The following FCGR2B variants were observed in gnomAD, a reference collection of about 807,000 sequenced individuals.
FCGR2B encodes Fc gamma receptor IIb, also known as low affinity immunoglobulin gamma Fc region receptor II-b.
Under a neutral mutation model 24.8 loss-of-function variants are expected in FCGR2B, and 18 were observed. That is an observed-to-expected ratio of 0.73 (90% CI 0.50 to 1.08). The LOEUF (loss-of-function observed/expected upper bound fraction) is 1.08, where lower values mean the gene tolerates loss of function less well. Among genes scored for constraint, FCGR2B ranks in the 50% least tolerant of loss-of-function variants. FCGR2B has a pLI of 0.00. For synonymous variants in FCGR2B, 79 were observed against 109.8 expected, an observed-to-expected ratio of 0.72 and a Z score of 1.75; for missense variants, 215 against 297.6, an observed-to-expected ratio of 0.72 and a Z score of 2.04.
At chr1:161,656,203 A>G in the FCGR2B span, among the ~76,000 whole-genome samples, 1 of 146,408 alleles carries the variant, frequency 6.8e-6, no homozygotes, top group Non-Finnish European at 1.5e-5. Flanking sequence ...GGTGAAGCAC[A>G]GGATAGGTTT....
In FCGR2B at chr1:161,677,503, C is replaced by A. The variant is rs755511987; in HGVS notation, c.883C>A (p.Leu295Ile). The A allele has an allele frequency of 1.2e-6, 2 of 1,614,106 alleles. No homozygotes were observed. Among genetic ancestry groups the A allele is most frequent in the Non-Finnish European group, 1.7e-6 (2 of 1,179,972 alleles). ...TGAGAACACAATCACCTATTCACTTCTCATGCACCCGGATGCTCTGGAAGA... is the reference window on the plus strand; with the variant it reads ...TGAGAACACAATCACCTATTCACTTATCATGCACCCGGATGCTCTGGAAGA... ...GAENTITYSLLMHPDALEEPD... is the reference protein window; with the variant it reads ...GAENTITYSLIMHPDALEEPD... Residue 295 changes from leucine (L) to isoleucine (I), a missense_variant, in exon 8 of 8, where the codon CTC (leucine) becomes ATC (isoleucine). Leu to Ile is a conservative substitution (Grantham distance 5, BLOSUM62 2). This residue lies in a region of FCGR2B where 81 missense variants were observed against 81.6 expected (regional missense o/e 0.99). Transcript: ENST00000358671.
chr1:161,677,877 G>A lies in FCGR2B; in HGVS notation c.*324G>A, dbSNP rs965998904. 5 of 315,590 alleles carry A rather than the reference G, an allele frequency of 1.6e-5. No homozygotes were observed. Among genetic ancestry groups the A allele is most frequent in the African/African-American group, 1.1e-4 (5 of 46,986 alleles). 19.5% of individuals were successfully genotyped at this position (315,590 alleles called of 1,614,324 possible). On this transcript the variant is annotated 3_prime_UTR_variant, in exon 8 of 8. Coordinates refer to ENST00000358671, the MANE Select transcript of FCGR2B (RefSeq NM_001394477.1). ...CAACTTGGGAAATGCTTATGTTACA[G>A]GTTACGTGAGAACAATCATGTAAAT...
the FCGR2B span, among the ~76,000 whole-genome samples, chr1:161,650,241 C>A: frequency 1.4e-5 from 2 of 146,668 alleles, no homozygotes; most frequent in African/African-American, 5.1e-5. Context: ...ACATCCTTGG[C>A]CTCCCATAGT....
chr1:161,677,435 C>A, intron 7 of FCGR2B, 41 bp from the exon 8 acceptor site: 1 of 1,607,108 alleles, frequency 6.2e-7, no homozygotes, highest in Non-Finnish European at 8.5e-7. Flanking sequence ...TTTCCTAGGC[C>A]CTCTCTGTGG....
chr1:161,676,880 T>C (rs753039492), intron 6 of FCGR2B: 1 of 187,014 alleles, frequency 5.3e-6, no homozygotes. Context: ...ACCATATTTT[T>C]CAAAGTTCCA....
rs1253919543 is a variant in FCGR2B, at chr1:161,674,017, C to T, written c.704C>T (p.Ala235Val). 5 of 523,248 alleles carry T rather than the reference C, an allele frequency of 9.6e-6. No homozygotes were observed. The highest frequency in any genetic ancestry group is 6.3e-5 in the South Asian group (3 of 47,422). The allele number at this position is 523,248 out of a possible 1,614,324, so 32.4% of individuals were successfully genotyped here. Residue 235 changes from alanine (A) to valine (V), a missense_variant, in exon 5 of 8, where the codon GCG becomes GTG. Physicochemically the swap from Ala to Val is moderately conservative, Grantham distance 64. Transcript: ENST00000358671. Reference protein sequence around the residue: ...IVAVVTGIAVAAIVAAVVALI... With the variant: ...IVAVVTGIAVVAIVAAVVALI... The stretch of plus-strand genomic sequence containing the variant: ...GCTGTGGTCACTGGGATTGCTGTAG[C>T]GGCCATTGTTGCTGCTGTAGTGGCC...
rs772566070 is a variant in FCGR2B at position 161,671,518 on chromosome 1, A to G, written c.260A>G (p.Asn87Ser). ...PESDSIQWFH[N>S]GNLIPTHTQP... The stretch of plus-strand genomic sequence containing the variant: ...AGCGACTCCATTCAGTGGTTCCACA[A>G]TGGGAATCTCATTCCCACCCACACG... Residue 87 changes from asparagine (N) to serine (S), a missense_variant, in exon 3 of 8, where the codon AAT becomes AGT. This residue lies in a region of FCGR2B where 77 missense variants were observed against 68.8 expected (regional missense o/e 1.12). Coordinates refer to ENST00000358671, the MANE Select transcript of FCGR2B (RefSeq NM_001394477.1). The G allele has an allele frequency of 7.4e-6, 12 of 1,614,104 alleles. No homozygotes were observed. Among genetic ancestry groups the G allele is most frequent in the African/African-American group, 5.3e-5 (4 of 74,942 alleles).
rs1681650774 is a variant in FCGR2B at position 161,671,455 on chromosome 1, C to G, written c.197C>G (p.Ser66Cys). The change falls in exon 3 of 8, where the codon TCT (serine) becomes TGT (cysteine). Residue 66 changes from serine (S) to cysteine (C), a missense_variant. This residue lies in a region of FCGR2B where 77 missense variants were observed against 68.8 expected (regional missense o/e 1.12). Coordinates refer to ENST00000358671, the MANE Select transcript of FCGR2B (RefSeq NM_001394477.1). ...PQWINVLQED[S>C]VTLTCRGTHS... ...TGGATCAACGTGCTCCAGGAGGACT[C>G]TGTGACTCTGACATGCCGGGGGACT... The G allele has an allele frequency of 6.2e-7, 1 of 1,614,228 alleles. No individual in the cohort carries two copies. Among genetic ancestry groups the G allele is most frequent in the Non-Finnish European group, 8.5e-7 (1 of 1,180,048 alleles).
upstream of FCGR2B, among the ~76,000 whole-genome samples, chr1:161,662,078 C>G (rs1681139839): frequency 6.8e-6 from 1 of 146,400 alleles, no homozygotes; most frequent in Admixed American, 6.7e-5. Flanking sequence ...GAAAAGAGAA[C>G]TAGCATTCAC....
At chr1:161,661,323 C>T (rs1393082988), upstream of FCGR2B, among the ~76,000 whole-genome samples, 1 of 137,500 alleles carries the variant, frequency 7.3e-6, no homozygotes. Flanking sequence ...CCACAGGTTA[C>T]TCGTTTCTAC....
At chr1:161,670,945 G>A (rs2102658241) in intron 2 of FCGR2B, among the ~76,000 whole-genome samples, 1 of 150,734 alleles carries the variant, frequency 6.6e-6, no homozygotes, top group Non-Finnish European at 1.5e-5. Flanking sequence ...ATCTCCACCA[G>A]AGCCCCCACT....
the FCGR2B span, among the ~76,000 whole-genome samples, chr1:161,656,185 CT>C: frequency 4.8e-5 from 7 of 144,706 alleles, no homozygotes; most frequent in African/African-American, 1.7e-4. Flanking sequence ...ACTTTCTGCT[CT>C]AATTCAGGTG....
At chr1:161,672,753 C>T (rs10753602) in intron 3 of FCGR2B, 130 of 727,326 alleles carry the variant, frequency 1.8e-4, no homozygotes, top group African/African-American at 1.3e-3. Flanking sequence ...ATACATGACA[C>T]TATCATGCTC....
the FCGR2B span, among the ~76,000 whole-genome samples, chr1:161,656,946 T>TTCTTTTC: frequency 8.5e-5 from 4 of 47,118 alleles, no homozygotes; most frequent in African/African-American, 2.3e-4. Flanking sequence ...TGTTTCTTTT[T>TTCTTTTC]TCTTTTTTCT....
In FCGR2B at chr1:161,678,648, A is replaced by C. The variant is rs1247090553; in HGVS notation, c.*1095A>C. The C allele has an allele frequency of 5.1e-6, 1 of 194,958 alleles. No individual in the cohort carries two copies. Among genetic ancestry groups the C allele is most frequent in the African/African-American group, 2.3e-5 (1 of 43,190 alleles). The allele number at this position is 194,958 out of a possible 1,614,324, so 12.1% of individuals were successfully genotyped here. ...TATGGCAAATAAAACACTGTTTTGCAACACAAGTTCACGGGAAGTCAAACT... is the reference window on the plus strand; with the variant it reads ...TATGGCAAATAAAACACTGTTTTGCCACACAAGTTCACGGGAAGTCAAACT... On this transcript the variant is annotated 3_prime_UTR_variant, in exon 8 of 8. Transcript: ENST00000358671.
chr1:161,661,246 GAAAGAAAGAAAGA>G (rs1557895208), upstream of FCGR2B, among the ~76,000 whole-genome samples: 609 of 64,796 alleles, frequency 9.4e-3, 75 homozygotes, highest in African/African-American at 0.024. Context: ...AAGAAAGAAA[GAAAGAAAGAAAGA>G]AAGGAAGGAA....
Position 161,677,336 on chromosome 1 carries a change from A to G in FCGR2B, c.826A>G (p.Thr276Ala). The G allele has an allele frequency of 6.2e-7, 1 of 1,613,806 alleles. No homozygotes were observed. Among genetic ancestry groups the G allele is most frequent in the South Asian group, 1.1e-5 (1 of 91,046 alleles). Residue 276 changes from threonine to alanine, a missense_variant, in exon 7 of 8, where the codon ACT becomes GCT. This residue lies in a region of FCGR2B where 81 missense variants were observed against 81.6 expected (regional missense o/e 0.99). Transcript: ENST00000358671. ...TCTTCTTTTTCCCACAGCCAATCCCACTAATCCTGATGAGGCTGACAAAGT... is the reference window on the plus strand; with the variant it reads ...TCTTCTTTTTCCCACAGCCAATCCCGCTAATCCTGATGAGGCTGACAAAGT... ...ETLPEKPANP[T>A]NPDEADKVGA...
intron 5 of FCGR2B, chr1:161,674,624 T>C: frequency 1.0e-5 from 2 of 200,906 alleles, no homozygotes; most frequent in Non-Finnish European, 2.1e-5. Flanking sequence ...CTAATAGGAC[T>C]TACCTCAGAG....
intron 2 of FCGR2B, among the ~76,000 whole-genome samples, chr1:161,671,034 G>A (rs16827656): frequency 0.014 from 2,166 of 152,134 alleles, 46 homozygotes; most frequent in African/African-American, 0.05. Context: ...AGTTAGTCTC[G>A]AAAGAGTATG....
Sources: allele counts gnomAD v4.1 joint callset (sites outside exome capture counted in the v4.1 genomes callset), GRCh38; gene constraint gnomAD v4.1.1; regional missense constraint gnomAD v4.1.1; transcripts MANE v1.5; gene names NCBI Gene and HGNC (gene_info 2026-07-23, HGNC 2026-07-21).